The following AFTPH variants were observed in gnomAD, a reference collection of about 807,000 sequenced individuals.
AFTPH encodes aftiphilin.
AFTPH carries 7 observed loss-of-function variants against 72.5 expected under a neutral mutation model. The ratio of observed to expected loss-of-function variants is 0.10; its 90% CI spans 0.05 to 0.18. AFTPH has a LOEUF of 0.18. AFTPH is among the 10% of genes least tolerant of loss of function. The pLI is 1.00. For missense variants in AFTPH, 979 were observed against 1,060.5 expected (o/e 0.92, Z 1.07); for synonymous variants, 337 against 370.1 (o/e 0.91, Z 1.03).
At chr2:64,558,314 T>C (rs571477946) in intron 2 of AFTPH, among the ~76,000 whole-genome samples, 1 of 152,298 alleles carries the variant, frequency 6.6e-6, no homozygotes, top group South Asian at 2.1e-4. Flanking sequence ...ACTGCAACTT[T>C]AAGTGAAAGG....
chr2:64,559,270 G>A (rs1400306153), intron 2 of AFTPH, among the ~76,000 whole-genome samples: 4 of 152,182 alleles, frequency 2.6e-5, no homozygotes, highest in African/African-American at 4.8e-5. Context: ...AATAGGGTAT[G>A]TGTGGAGGTT....
chr2:64,562,864 T>C (rs1229178788), intron 2 of AFTPH, among the ~76,000 whole-genome samples: 2 of 152,234 alleles, frequency 1.3e-5, no homozygotes, highest in Non-Finnish European at 2.9e-5. Context: ...GCTTTACTTA[T>C]ACTGCCTTAC....
At chr2:64,553,287 T>C in exon 2 of AFTPH, 2 of 1,614,104 alleles carry the variant, frequency 1.2e-6, no homozygotes, top group South Asian at 2.2e-5. Flanking sequence ...AGCCTGGCAG[T>C]CACATAGGAC....
intron 2 of AFTPH, among the ~76,000 whole-genome samples, chr2:64,560,110 C>T (rs1391179567): frequency 6.6e-6 from 1 of 152,138 alleles, no homozygotes; most frequent in Non-Finnish European, 1.5e-5. Flanking sequence ...ATATAGCTTT[C>T]AGGATTTATG....
intron 6 of AFTPH, among the ~76,000 whole-genome samples, chr2:64,576,141 G>A (rs752997538): frequency 5.3e-5 from 3 of 56,094 alleles, no homozygotes; most frequent in East Asian, 3.3e-4. Context: ...AATGAAATAC[G>A]TGTGTGTGTG....
At chr2:64,550,514 TATA>T (rs1670963880) in intron 1 of AFTPH, among the ~76,000 whole-genome samples, 1 of 152,162 alleles carries the variant, frequency 6.6e-6, no homozygotes, top group African/African-American at 2.4e-5. Context: ...TGTAACAAAT[TATA>T]ATGATGTAGA....
rs538317801 is a variant in AFTPH at position 64,560,367 on chromosome 2, C to G, written c.1935+6958C>G. Reference sequence around the variant, plus strand: ...TAATCATTTTTTGCTTTTCCAGAAACCAAATCTGGTTTAAAAAATAATAAT... The same window carrying G: ...TAATCATTTTTTGCTTTTCCAGAAAGCAAATCTGGTTTAAAAAATAATAAT... On this transcript the variant is annotated intron_variant, in intron 2 of 8. Coordinates refer to ENST00000238856, the Ensembl canonical transcript of AFTPH. Among the ~76,000 whole-genome samples the G allele has an allele frequency of 7.2e-5, 11 of 151,728 alleles. No homozygotes were observed. In the South Asian group the frequency reaches 2.3e-3, roughly 32 times the overall value.
At chr2:64,526,767 T>C (rs1476572547) in intron 1 of AFTPH, among the ~76,000 whole-genome samples, 1 of 152,236 alleles carries the variant, frequency 6.6e-6, no homozygotes, top group Admixed American at 6.5e-5. Flanking sequence ...ATGAGCAGTA[T>C]ATATGTTGCT....
rs115559175 is a variant in AFTPH at position 64,535,454 on chromosome 2, C to A, written c.-33+10842C>A. ...AAATAGATATAAAGGAGGATTAATT[C>A]AGACAAGAAACCTGATACAACGAAA... is the stretch of plus-strand genomic sequence containing the variant. On this transcript the variant is annotated intron_variant, in intron 1 of 8. Coordinates refer to ENST00000238856, the Ensembl canonical transcript of AFTPH. 4.7e-3 allele frequency among the ~76,000 whole-genome samples: 709 copies of A among 152,316 alleles called. 6 individuals are homozygous for A. Among genetic ancestry groups the A allele is most frequent in the African/African-American group, 0.016 (685 of 41,578 alleles).
At chr2:64,552,751 A>T in exon 2 of AFTPH, 1 of 1,614,218 alleles carries the variant, frequency 6.2e-7, no homozygotes, top group African/African-American at 1.3e-5. Flanking sequence ...ACTTGCAATG[A>T]TATCAATGAA....
intron 2 of AFTPH, among the ~76,000 whole-genome samples, chr2:64,565,259 C>A (rs537310882): frequency 6.6e-6 from 1 of 151,986 alleles, no homozygotes; most frequent in Admixed American, 6.5e-5. Context: ...GGGTGGATCA[C>A]GAGGTCAGGA....
Position 64,547,372 on chromosome 2 carries a change from A to G in AFTPH, c.-32-4071A>G, listed in dbSNP as rs75985419. Among the ~76,000 whole-genome samples, 1,088 of 152,196 alleles carry G rather than the reference A, an allele frequency of 7.1e-3. 43 individuals are homozygous for G. The East Asian group carries it at 0.11, about 15-fold the overall frequency. The stretch of plus-strand genomic sequence containing the variant: ...ATTTCCTCCTGAAGTCAGGTGTTGT[A>G]TTTTTGACAGGATATCCCAGAAGTG... On this transcript the variant is annotated intron_variant, in intron 1 of 8. Transcript: ENST00000238856.
intron 6 of AFTPH, among the ~76,000 whole-genome samples, chr2:64,579,209 A>ACATAGAATCAGTTCATAAATTTG (rs1460184202): frequency 6.6e-5 from 10 of 152,322 alleles, no homozygotes; most frequent in African/African-American, 2.2e-4. Flanking sequence ...TGAAATCTTG[A>ACATAGAATCAGTTCATAAATTTG]CATAGAATCA....
intron 8 of AFTPH, 142 bp downstream of exon 9, chr2:64,585,687 AAAT>A: frequency 1.2e-6 from 1 of 843,722 alleles, no homozygotes; most frequent in Non-Finnish European, 1.8e-6. Flanking sequence ...CAAGTCCAGA[AAAT>A]ATTATCAAAT....
chr2:64,552,242 A>G (rs1479375911), exon 2 of AFTPH: 2 of 1,614,002 alleles, frequency 1.2e-6, no homozygotes, highest in South Asian at 2.2e-5. Flanking sequence ...TAAATGATAG[A>G]GAAGCACTAA....
intron 4 of AFTPH, 146 bp downstream of exon 4, chr2:64,569,364 CT>C (rs1672280087): frequency 5.2e-6 from 6 of 1,162,032 alleles, no homozygotes; most frequent in Non-Finnish European, 7.1e-6. Context: ...AATGTGCTGA[CT>C]TTTAAACATC....
In AFTPH at chr2:64,585,495, T is replaced by C. The variant is rs368301717; in HGVS notation, c.2529T>C (p.Asp843=). Residue 843 remains aspartate, a synonymous_variant, in exon 8 of 9, where the codon GAT becomes GAC. Coordinates refer to ENST00000238856, the Ensembl canonical transcript of AFTPH. ...CCACCTCAAGCCTCAAAGTGACTGA[T>C]GCATTTGCAAGACTCATGTCTACAG... 21 of 1,613,632 alleles carry C rather than the reference T, an allele frequency of 1.3e-5. No homozygotes were observed. The African/African-American group carries it at 2.4e-4, about 18-fold the overall frequency.
intron 1 of AFTPH, among the ~76,000 whole-genome samples, chr2:64,542,191 C>T (rs963423946): frequency 6.6e-6 from 1 of 152,064 alleles, no homozygotes; most frequent in African/African-American, 2.4e-5. Flanking sequence ...AAAGAACTCT[C>T]GATGTTTGAT....
chr2:64,527,746 T>A (rs535305983), intron 1 of AFTPH, among the ~76,000 whole-genome samples: 5 of 152,354 alleles, frequency 3.3e-5, no homozygotes, highest in African/African-American at 9.6e-5. Flanking sequence ...GTTAAAAAAA[T>A]GTTTTTAATT....
Sources: allele counts gnomAD v4.1 joint callset (sites outside exome capture counted in the v4.1 genomes callset), GRCh38; gene constraint gnomAD v4.1.1; transcripts MANE v1.5; gene names NCBI Gene and HGNC (gene_info 2026-07-23, HGNC 2026-07-21).